RBFOX2: variants seen among roughly 807,000 people sequenced by gnomAD.
RBFOX2 encodes RNA binding protein fox-1 homolog 2.
Under a neutral mutation model 49.1 loss-of-function variants are expected in RBFOX2, and 10 were observed. The ratio of observed to expected loss-of-function variants is 0.20; its 90% confidence interval spans 0.13 to 0.35. The LOEUF (loss-of-function observed/expected upper bound fraction) is 0.35. Among genes scored for constraint, RBFOX2 ranks in the 10% least tolerant of loss-of-function variants. The pLI, the probability that RBFOX2 is intolerant of heterozygous loss-of-function variation, is 1.00. For missense variants in RBFOX2, 323 were observed against 486.9 expected, an observed-to-expected ratio of 0.66 and a Z score of 3.17; for synonymous variants, 183 against 187.4, an observed-to-expected ratio of 0.98 and a Z score of 0.19.
intron 2 of RBFOX2, among the ~76,000 whole-genome samples, chr22:35,805,729 C>T (rs972732907): frequency 6.6e-6 from 1 of 152,134 alleles, no homozygotes; most frequent in Non-Finnish European, 1.5e-5. Context: ...AACCAAGATG[C>T]CCTTAAATTG....
intron 1 of RBFOX2, among the ~76,000 whole-genome samples, chr22:35,881,675 T>G (rs1449908690): frequency 6.6e-6 from 1 of 151,472 alleles, no homozygotes; most frequent in Non-Finnish European, 1.5e-5. Flanking sequence ...ATAAGAAAAC[T>G]TAGGGCCGGG....
intron 2 of RBFOX2, among the ~76,000 whole-genome samples, chr22:35,809,265 C>T (rs909907985): frequency 1.3e-5 from 2 of 152,032 alleles, no homozygotes; most frequent in African/African-American, 2.4e-5. Context: ...CAAGGTCACA[C>T]AGTTTAGTAG....
intron 4 of RBFOX2, 21 bp from the exon 6 acceptor site, chr22:35,768,370 G>A (rs1160221705): frequency 1.9e-6 from 3 of 1,595,258 alleles, no homozygotes; most frequent in Non-Finnish European, 2.6e-6. Flanking sequence ...CGGGAGAAGG[G>A]GGGAAAACAT....
At chr22:35,930,017 CTTTTTTTT>C (rs58976136) in intron 1 of RBFOX2, among the ~76,000 whole-genome samples, 1 of 121,328 alleles carries the variant, frequency 8.2e-6, no homozygotes, top group Non-Finnish European at 1.7e-5. Context: ...CTTAATAGAA[CTTTTTTTT>C]TTTTTTTTTT....
chr22:35,793,579 G>C (rs1948200689), intron 2 of RBFOX2, among the ~76,000 whole-genome samples: 1 of 151,876 alleles, frequency 6.6e-6, no homozygotes, highest in African/African-American at 2.4e-5. Flanking sequence ...TAATATATAA[G>C]ACAATTATAA....
At chr22:35,875,606 G>GT in intron 1 of RBFOX2, among the ~76,000 whole-genome samples, 2 of 125,064 alleles carry the variant, frequency 1.6e-5, no homozygotes, top group African/African-American at 2.9e-5. Flanking sequence ...ATGCTCACAA[G>GT]GGTGTGTGTG....
chr22:35,808,153 G>T (rs1483543839), intron 2 of RBFOX2, among the ~76,000 whole-genome samples: 2 of 151,980 alleles, frequency 1.3e-5, no homozygotes, highest in African/African-American at 2.4e-5. Flanking sequence ...CAGTTATTCT[G>T]ATAGGTCTGT....
chr22:35,781,585 A>T lies in RBFOX2; in HGVS notation c.399+15T>A, dbSNP rs1295646939. On this transcript the variant is annotated intron_variant, in intron 3 of 11. Transcript: ENST00000405409. The stretch of plus-strand genomic sequence containing the variant: ...CTTTAATTGTAAAATCCATAAAAAG[A>T]CTTCAGAGACTTACCCCAAACATCT... The T allele has an allele frequency of 6.2e-7, 1 of 1,607,604 alleles. No homozygotes were observed. The highest frequency in any genetic ancestry group is 8.5e-7 in the Non-Finnish European group (1 of 1,177,468).
chr22:35,811,582 GC>G (rs1951878503), intron 1 of RBFOX2, among the ~76,000 whole-genome samples: 1 of 152,142 alleles, frequency 6.6e-6, no homozygotes, highest in South Asian at 2.1e-4. Flanking sequence ...CTTTCTTATG[GC>G]AGCCCTTGCA....
intron 1 of RBFOX2, among the ~76,000 whole-genome samples, chr22:35,823,134 G>C (rs1452217498): frequency 6.6e-6 from 1 of 152,052 alleles, no homozygotes; most frequent in African/African-American, 2.4e-5. Flanking sequence ...TTTTTCCTTT[G>C]TTAATGCTAG....
chr22:35,917,335 T>C lies in RBFOX2; in HGVS notation c.-34+21512A>G, dbSNP rs117158846. ...ATCTATCTCAGCCGTCAGGGTCATGTTGAATAGATCTGTTAGGGTCATGGG... is the reference window on the plus strand; with the variant it reads ...ATCTATCTCAGCCGTCAGGGTCATGCTGAATAGATCTGTTAGGGTCATGGG... On this transcript the variant is annotated intron_variant, in intron 1 of 13. Coordinates refer to the RBFOX2 transcript ENST00000359369. 2.6e-4 allele frequency among the ~76,000 whole-genome samples: 39 copies of C among 152,014 alleles called. No individual in the cohort carries two copies. In the East Asian group the frequency reaches 7.0e-3, roughly 27 times the overall value.
chr22:35,775,149 A>G (rs1943573319), intron 4 of RBFOX2, among the ~76,000 whole-genome samples: 1 of 152,222 alleles, frequency 6.6e-6, no homozygotes. Flanking sequence ...AAAAGTGCTC[A>G]TTAATTTCTC....
chr22:36,019,901 AAGTTCATAT>A (rs1273772543), intron 1 of RBFOX2, among the ~76,000 whole-genome samples: 1 of 152,190 alleles, frequency 6.6e-6, no homozygotes, highest in African/African-American at 2.4e-5. Context: ...AACTACTTTG[AAGTTCATAT>A]AGAACCAAAA....
At chr22:35,954,181 A>T (rs2055285247) in intron 1 of RBFOX2, among the ~76,000 whole-genome samples, 1 of 151,986 alleles carries the variant, frequency 6.6e-6, no homozygotes, top group Non-Finnish European at 1.5e-5. Flanking sequence ...TGGGGGGAGG[A>T]GGTTTCTTAT....
chr22:36,000,689 C>T (rs2058379154), intron 1 of RBFOX2, among the ~76,000 whole-genome samples: 1 of 151,928 alleles, frequency 6.6e-6, no homozygotes, highest in Non-Finnish European at 1.5e-5. Flanking sequence ...AGCATTCCAC[C>T]GGAGTTCTCA....
At chr22:35,952,392 A>G (rs1035107273) in intron 1 of RBFOX2, among the ~76,000 whole-genome samples, 1 of 152,228 alleles carries the variant, frequency 6.6e-6, no homozygotes, top group Admixed American at 6.5e-5. Flanking sequence ...AGACCCCCCA[A>G]AAAAACCTAT....
intron 5 of RBFOX2, among the ~76,000 whole-genome samples, chr22:35,766,328 C>CT (rs987261243): frequency 5.6e-4 from 86 of 152,224 alleles, no homozygotes; most frequent in African/African-American, 2.0e-3. Context: ...TAGAACTTGA[C>CT]TTATACTGTG....
chr22:35,760,111 A>G (rs1938244427), intron 8 of RBFOX2, 91 bp from the exon 10 acceptor site: 3 of 1,523,270 alleles, frequency 2.0e-6, no homozygotes, highest in Non-Finnish European at 2.7e-6. Context: ...ATTATAGAAA[A>G]GATGGAAAGA....
rs866485032 is a variant in RBFOX2, at chr22:35,849,334, G to C, written c.-33-39330C>G. On this transcript the variant is annotated intron_variant, in intron 1 of 13. Transcript: ENST00000359369. ...ACACACACACACACACACACACACA[G>C]ACACACAGAATCTCTCCAAAGTTTC... Among the ~76,000 whole-genome samples the C allele has an allele frequency of 7.5e-4, 87 of 116,680 alleles. 1 individual carries two copies. The highest frequency in any genetic ancestry group is 4.3e-3 in the Middle Eastern group (1 of 230). The allele number at this position is 116,680 out of a possible 152,430, so 76.5% of individuals were successfully genotyped here.
Sources: gnomAD v4.1 joint callset for allele counts (sites outside exome capture counted in the v4.1 genomes callset) on GRCh38, gnomAD v4.1.1 for gene constraint, MANE v1.5 for transcripts, NCBI Gene and HGNC (gene_info 2026-07-23, HGNC 2026-07-21) for gene names.